Variants in PPFIA2 observed in about 807,000 individuals in gnomAD.
The protein encoded by PPFIA2 is liprin-alpha-2.
In PPFIA2, 46 loss-of-function variants were observed where a neutral mutation model predicts 175.5. The ratio of observed to expected loss-of-function variants is 0.26; its 90% CI spans 0.21 to 0.34. The LOEUF is 0.34. Ranked by LOEUF, PPFIA2 falls within the 10% of genes least tolerant of loss-of-function variation. The probability of loss-of-function intolerance (pLI) is 1.00; values close to 1 mark genes in which losing one functional copy is unlikely to be tolerated. For missense variants in PPFIA2, 1,179 were observed against 1,506.1 expected, an observed-to-expected ratio of 0.78 and a Z score of 3.60; for synonymous variants, 568 against 511.4, an observed-to-expected ratio of 1.11 and a Z score of -1.49.
chr12:81,653,216 C>T (rs191037063), intron 4 of PPFIA2, among the ~76,000 whole-genome samples: 3 of 152,228 alleles, frequency 2.0e-5, no homozygotes, highest in Admixed American at 6.5e-5. Flanking sequence ...AGTACTTCCA[C>T]TTCCATCATT....
intron 4 of PPFIA2, among the ~76,000 whole-genome samples, chr12:81,582,840 T>A (rs1258300620): frequency 1.3e-5 from 2 of 151,872 alleles, no homozygotes; most frequent in Non-Finnish European, 2.9e-5. Context: ...TTGAATAAAA[T>A]ACATTTTCTT....
intron 3 of PPFIA2, among the ~76,000 whole-genome samples, chr12:81,747,092 A>G (rs950405284): frequency 6.9e-6 from 1 of 144,118 alleles, no homozygotes; most frequent in African/African-American, 2.4e-5. Context: ...AAAAAGAAGC[A>G]ATGAGCAATA....
At chr12:81,282,253 T>C (rs2042246832) in intron 26 of PPFIA2, among the ~76,000 whole-genome samples, 3 of 152,192 alleles carry the variant, frequency 2.0e-5, no homozygotes, top group African/African-American at 7.2e-5. Flanking sequence ...CCCTAATTTC[T>C]CAATTCTAAT....
chr12:81,741,003 A>C (rs2153653754), intron 3 of PPFIA2, among the ~76,000 whole-genome samples: 1 of 152,272 alleles, frequency 6.6e-6, no homozygotes, highest in Admixed American at 6.5e-5. Context: ...TTGTGTCAAA[A>C]GTGGCTTAGT....
intron 5 of PPFIA2, among the ~76,000 whole-genome samples, chr12:81,452,305 T>C (rs556187999): frequency 2.6e-5 from 4 of 152,346 alleles, no homozygotes; most frequent in African/African-American, 9.6e-5. Context: ...TATTTCCAAT[T>C]ATAAATGGCA....
At chr12:81,640,080 A>G (rs769264942) in intron 4 of PPFIA2, among the ~76,000 whole-genome samples, 4 of 152,154 alleles carry the variant, frequency 2.6e-5, no homozygotes, top group Non-Finnish European at 2.9e-5. Flanking sequence ...GTATTTAATG[A>G]CCCTCAAATA....
chr12:81,494,897 G>A (rs192494742), intron 4 of PPFIA2, among the ~76,000 whole-genome samples: 8 of 133,640 alleles, frequency 6.0e-5, no homozygotes, highest in Non-Finnish European at 1.2e-4. Flanking sequence ...TGAACAATGA[G>A]AACACATAGA....
intron 4 of PPFIA2, among the ~76,000 whole-genome samples, chr12:81,497,697 G>A (rs572008901): frequency 9.2e-5 from 14 of 151,812 alleles, no homozygotes; most frequent in African/African-American, 2.9e-4. Context: ...ACGCCACCAC[G>A]TCCAGCTAAT....
intron 4 of PPFIA2, among the ~76,000 whole-genome samples, chr12:81,476,528 C>T (rs916702211): frequency 5.5e-4 from 84 of 152,288 alleles, no homozygotes; most frequent in African/African-American, 1.4e-3. Context: ...TACAATAAAT[C>T]TATATTTATA....
intron 7 of PPFIA2, among the ~76,000 whole-genome samples, chr12:81,422,297 A>G (rs1354855111): frequency 6.6e-6 from 1 of 151,898 alleles, no homozygotes; most frequent in East Asian, 1.9e-4. Context: ...ACTTTATGGA[A>G]TGAAGAACTT....
intron 5 of PPFIA2, among the ~76,000 whole-genome samples, chr12:81,454,512 T>C (rs1349572689): frequency 6.6e-6 from 1 of 152,182 alleles, no homozygotes. Flanking sequence ...ATAAAAACAT[T>C]TAGATTTTAA....
chr12:81,676,738 G>A lies in PPFIA2; in HGVS notation c.303+53C>T, dbSNP rs934190471. ...ACAAGCAATCAACTGATAATCTGGT[G>A]TGTACACAATTCAATTCATCAATAG... On this transcript the variant is annotated intron_variant, in intron 4 of 32. Coordinates refer to ENST00000549396, the MANE Select transcript of PPFIA2 (RefSeq NM_003625.5). The A allele has an allele frequency of 4.6e-6, 6 of 1,301,068 alleles. No homozygotes were observed. In the African/African-American group the frequency reaches 7.6e-5, roughly 17 times the overall value. The allele number at this position is 1,301,068 out of a possible 1,614,324, so 80.6% of individuals were successfully genotyped here.
At chr12:81,607,851 T>A (rs1209962479) in intron 4 of PPFIA2, among the ~76,000 whole-genome samples, 1 of 152,098 alleles carries the variant, frequency 6.6e-6, no homozygotes, top group Non-Finnish European at 1.5e-5. Flanking sequence ...GTGGTGAGAA[T>A]GGACATCTTT....
intron 4 of PPFIA2, among the ~76,000 whole-genome samples, chr12:81,494,427 T>C (rs2059791314): frequency 6.6e-6 from 1 of 152,120 alleles, no homozygotes. Flanking sequence ...TGGCAATCAT[T>C]AAAAAGTCAG....
chr12:81,452,234 G>A (rs2052718003), intron 5 of PPFIA2, among the ~76,000 whole-genome samples: 1 of 152,078 alleles, frequency 6.6e-6, no homozygotes, highest in Non-Finnish European at 1.5e-5. Flanking sequence ...GATTCTGTAA[G>A]GATTTCTAAA....
At chr12:81,571,787 A>C (rs1288730331) in intron 4 of PPFIA2, among the ~76,000 whole-genome samples, 1 of 152,118 alleles carries the variant, frequency 6.6e-6, no homozygotes, top group Non-Finnish European at 1.5e-5. Flanking sequence ...ACTGTTTTTC[A>C]CTTTTTTTCT....
intron 9 of PPFIA2, among the ~76,000 whole-genome samples, chr12:81,379,194 C>G (rs1353519111): frequency 6.6e-6 from 1 of 152,086 alleles, no homozygotes; most frequent in African/African-American, 2.4e-5. Flanking sequence ...GCTTTTCCCT[C>G]TGTCATTTGA....
intron 4 of PPFIA2, among the ~76,000 whole-genome samples, chr12:81,622,947 A>C (rs2062233675): frequency 6.6e-6 from 1 of 152,174 alleles, no homozygotes; most frequent in African/African-American, 2.4e-5. Flanking sequence ...GATGTGAGTA[A>C]GAATATACAC....
At chr12:81,423,559 A>C (rs2046656278) in intron 7 of PPFIA2, among the ~76,000 whole-genome samples, 1 of 152,152 alleles carries the variant, frequency 6.6e-6, no homozygotes, top group Non-Finnish European at 1.5e-5. Context: ...TTTATGAAAA[A>C]TATTCTCAAC....
Sources: gnomAD v4.1 joint callset for allele counts (sites outside exome capture counted in the v4.1 genomes callset) on GRCh38, gnomAD v4.1.1 for gene constraint, MANE v1.5 for transcripts, NCBI Gene and HGNC (gene_info 2026-07-23, HGNC 2026-07-21) for gene names.